Variants in BTD observed in about 807,000 individuals in gnomAD.
BTD encodes biotinidase, also known as biocytinase.
In BTD, 13 loss-of-function variants were observed where a neutral mutation model predicts 17.7. The observed-to-expected ratio is 0.74, with a 90% CI of 0.48 to 1.17. The LOEUF is 1.17. Among genes scored for constraint, BTD ranks in the 50% most tolerant of loss-of-function variants. The probability of loss-of-function intolerance (pLI) is 0.00; values close to 1 mark genes in which losing one functional copy is unlikely to be tolerated. For missense variants in BTD, 674 were observed against 650.4 expected (o/e 1.04, Z -0.39); for synonymous variants, 240 against 245.2 (o/e 0.98, Z 0.20).
At chr3:15,619,587 T>TGTG (rs1271361024) in intron 1 of BTD, among the ~76,000 whole-genome samples, 4 of 152,238 alleles carry the variant, frequency 2.6e-5, no homozygotes, top group African/African-American at 9.6e-5. Context: ...TAAAAGTCAT[T>TGTG]GTGGTTTTTG....
intron 2 of BTD, among the ~76,000 whole-genome samples, chr3:15,641,283 A>G (rs1447253385): frequency 6.6e-6 from 1 of 152,144 alleles, no homozygotes; most frequent in African/African-American, 2.4e-5. Context: ...CCAGGCTGAG[A>G]TGAGCACACT....
At chr3:15,679,368 C>T (rs2067282755) in intron 3 of BTD, 2 of 1,613,858 alleles carry the variant, frequency 1.2e-6, no homozygotes, top group African/African-American at 1.3e-5. Flanking sequence ...TCAGCAGCAC[C>T]TTCGTTGTCA....
intron 3 of BTD, among the ~76,000 whole-genome samples, chr3:15,690,595 T>C (rs1254277100): frequency 6.6e-6 from 1 of 152,152 alleles, no homozygotes; most frequent in Non-Finnish European, 1.5e-5. Flanking sequence ...GACAGGGTCT[T>C]GCTCTGTTGC....
chr3:15,699,116 A>G (rs1329154328), intron 3 of BTD, among the ~76,000 whole-genome samples: 1 of 152,162 alleles, frequency 6.6e-6, no homozygotes, highest in Non-Finnish European at 1.5e-5. Flanking sequence ...TTTTTGACAA[A>G]CCTGACAAAA....
At chr3:15,612,507 A>T (rs969227108) in intron 1 of BTD, among the ~76,000 whole-genome samples, 9 of 152,164 alleles carry the variant, frequency 5.9e-5, no homozygotes, top group African/African-American at 2.2e-4. Context: ...AATACCCTTG[A>T]TCTTTTTATT....
At chr3:15,654,310 T>C (rs2065848984), downstream of BTD, among the ~76,000 whole-genome samples, 2 of 151,230 alleles carry the variant, frequency 1.3e-5, no homozygotes, top group Non-Finnish European at 3.0e-5. Flanking sequence ...AGAGTTAGGG[T>C]TTATGTGGGC....
At chr3:15,696,145 A>C (rs1179204910) in intron 3 of BTD, 1 of 1,577,918 alleles carries the variant, frequency 6.3e-7, no homozygotes, top group East Asian at 2.3e-5. Context: ...AGCTGAAGAC[A>C]TAGACGGTGA....
chr3:15,711,683 GTTTTCTGTATTTTT>G (rs891651153), exon 4 of BTD, among the ~76,000 whole-genome samples: 2 of 151,642 alleles, frequency 1.3e-5, no homozygotes, highest in Non-Finnish European at 2.9e-5. Flanking sequence ...GGATGAAGAG[GTTTTCTGTATTTTT>G]TTTTTTTGAG....
chr3:15,612,534 T>C (rs927273673), intron 1 of BTD, among the ~76,000 whole-genome samples: 1 of 152,210 alleles, frequency 6.6e-6, no homozygotes, highest in Non-Finnish European at 1.5e-5. Context: ...CCCAAATGAT[T>C]CTTACTTTAT....
chr3:15,661,912 C>T (rs980875289), intron 3 of BTD, among the ~76,000 whole-genome samples: 8 of 152,204 alleles, frequency 5.3e-5, no homozygotes, highest in African/African-American at 1.9e-4. Context: ...TGCCTTTGCT[C>T]CTTTGTCAAA....
At chr3:15,618,680 C>T (rs949985146) in intron 1 of BTD, among the ~76,000 whole-genome samples, 1 of 152,072 alleles carries the variant, frequency 6.6e-6, no homozygotes, top group East Asian at 1.9e-4. Flanking sequence ...CGCCTGCCAC[C>T]ACACCTGGCT....
intron 1 of BTD, among the ~76,000 whole-genome samples, chr3:15,614,502 G>T (rs2064734741): frequency 6.7e-6 from 1 of 149,910 alleles, no homozygotes; most frequent in African/African-American, 2.5e-5. Flanking sequence ...TTTCCCTTTT[G>T]TCATCTCTGT....
At chr3:15,717,665 A>G (rs999037820), downstream of BTD, among the ~76,000 whole-genome samples, 2 of 152,194 alleles carry the variant, frequency 1.3e-5, no homozygotes, top group Non-Finnish European at 2.9e-5. Context: ...CAAAACAAGC[A>G]TTTGGTGTAT....
chr3:15,669,939 TTC>T (rs2066190409), intron 3 of BTD: 1 of 197,066 alleles, frequency 5.1e-6, no homozygotes, highest in Admixed American at 5.5e-5. Flanking sequence ...TCTTTATTTC[TTC>T]TGTTACAATA....
intron 3 of BTD, among the ~76,000 whole-genome samples, chr3:15,700,208 T>C (rs1442358120): frequency 1.3e-5 from 2 of 151,968 alleles, no homozygotes; most frequent in Non-Finnish European, 2.9e-5. Context: ...AGGGGAACAT[T>C]ACACACACAA....
chr3:15,655,999 C>T (rs754116911), downstream of BTD, among the ~76,000 whole-genome samples: 3 of 152,124 alleles, frequency 2.0e-5, no homozygotes, highest in Non-Finnish European at 4.4e-5. Flanking sequence ...GACAAGGTTT[C>T]ACCATGTTGG....
At chr3:15,639,291 C>CCATT (rs56183665) in intron 2 of BTD, among the ~76,000 whole-genome samples, 74,141 of 150,994 alleles carry the variant, frequency 0.49, 20,804 homozygotes, top group African/African-American at 0.76. Context: ...CCATGAAAAA[C>CCATT]CAAAGTTTTG....
chr3:15,707,185 G>A (rs2071560031), intron 3 of BTD, among the ~76,000 whole-genome samples: 1 of 151,790 alleles, frequency 6.6e-6, no homozygotes, highest in South Asian at 2.1e-4. Flanking sequence ...ACTTTTCACT[G>A]ACCCACACCA....
rs1255698165 is a variant in BTD, at chr3:15,678,157, C to G, written c.400-31903C>G. On this transcript the variant is annotated intron_variant, in intron 3 of 3. Coordinates refer to the BTD transcript ENST00000672141. Reference sequence around the variant, plus strand: ...CAGAAGTCTTGGGATCTAAGTTATACATAAGTGATACACATACTTAGGAAA... The same window carrying G: ...CAGAAGTCTTGGGATCTAAGTTATAGATAAGTGATACACATACTTAGGAAA... 2.0e-6 allele frequency: 3 copies of G among 1,517,508 alleles called. No homozygotes were observed. In the Admixed American group the frequency reaches 6.0e-5, roughly 30 times the overall value. The allele number at this position is 1,517,508 out of a possible 1,614,324, so 94.0% of individuals were successfully genotyped here.
Sources: allele counts gnomAD v4.1 joint callset (sites outside exome capture counted in the v4.1 genomes callset), GRCh38; gene constraint gnomAD v4.1.1; transcripts MANE v1.5; gene names NCBI Gene and HGNC (gene_info 2026-07-23, HGNC 2026-07-21).